The following SPIRE1 variants were observed in gnomAD, a reference collection of about 807,000 sequenced individuals.
SPIRE1 encodes the protein spire type actin nucleation factor 1, also known as protein spire homolog 1.
Under a neutral mutation model 94.1 loss-of-function variants are expected in SPIRE1, and 40 were observed. The ratio of observed to expected loss-of-function variants is 0.43; its 90% CI spans 0.33 to 0.55. The LOEUF (loss-of-function observed/expected upper bound fraction) is 0.55, where lower values mean the gene tolerates loss of function less well. Among genes scored for constraint, SPIRE1 ranks in the 20% least tolerant of loss-of-function variants. The probability of loss-of-function intolerance (pLI) is 0.06; values close to 1 mark genes in which losing one functional copy is unlikely to be tolerated. For synonymous variants in SPIRE1, 376 were observed against 371.7 expected, an observed-to-expected ratio of 1.01 and a Z score of -0.13; for missense variants, 838 against 975.2, an observed-to-expected ratio of 0.86 and a Z score of 1.87.
At chr18:12,658,595 G>C (rs1382427128), upstream of SPIRE1, 2 of 470,886 alleles carry the variant, frequency 4.2e-6, no homozygotes, top group South Asian at 1.5e-5. Context: ...CCGAAGGTCT[G>C]GTTGAAAACT....
In SPIRE1 at chr18:12,463,459, G is replaced by C; in HGVS notation, c.1530C>G (p.Pro510=). Residue 510 remains proline (P), a synonymous_variant, in exon 12 of 17, where the codon CCC becomes CCG. Coordinates refer to ENST00000409402, the MANE Select transcript of SPIRE1 (RefSeq NM_001128626.2). ...GGGGTGGCTGCCGTCTCTCTGGCTG[G>C]GGTGTTGATGATATGGGCAGGAATT... The part of the protein sequence containing the change: ...PPKFLPISST[P]QPERRQPPQR... The C allele has an allele frequency of 6.2e-7, 1 of 1,613,678 alleles. No homozygotes were observed. The highest frequency in any genetic ancestry group is 8.5e-7 in the Non-Finnish European group (1 of 1,179,792).
chr18:12,549,230 C>A (rs775371852), intron 2 of SPIRE1, among the ~76,000 whole-genome samples: 1 of 152,040 alleles, frequency 6.6e-6, no homozygotes, highest in Non-Finnish European at 1.5e-5. Context: ...ACTATCAGAG[C>A]GTCCCTACTA....
intron 1 of SPIRE1, among the ~76,000 whole-genome samples, chr18:12,640,150 C>T (rs2038047065): frequency 6.6e-6 from 1 of 152,074 alleles, no homozygotes; most frequent in African/African-American, 2.4e-5. Flanking sequence ...AAGTAGAAAC[C>T]TCAGCATATG....
chr18:12,648,830 T>C (rs540535994), intron 1 of SPIRE1, among the ~76,000 whole-genome samples: 2 of 132,428 alleles, frequency 1.5e-5, no homozygotes, highest in African/African-American at 5.8e-5. Context: ...GTAGAGGTTA[T>C]GGTGAGCCAA....
chr18:12,591,759 C>T (rs984014195), intron 2 of SPIRE1, among the ~76,000 whole-genome samples: 4 of 151,848 alleles, frequency 2.6e-5, no homozygotes, highest in African/African-American at 9.7e-5. Context: ...GGGCAGATCA[C>T]GAGGTCAGGA....
At chr18:12,582,904 C>G (rs2036295564) in intron 2 of SPIRE1, among the ~76,000 whole-genome samples, 1 of 152,166 alleles carries the variant, frequency 6.6e-6, no homozygotes, top group Non-Finnish European at 1.5e-5. Context: ...AGTCTGGACT[C>G]TACCATCATG....
chr18:12,600,621 TAAGGA>T (rs2036806473), intron 2 of SPIRE1, among the ~76,000 whole-genome samples: 1 of 152,226 alleles, frequency 6.6e-6, no homozygotes, highest in Admixed American at 6.5e-5. Context: ...GTTGGCACTG[TAAGGA>T]AGAACTTTCC....
intron 2 of SPIRE1, among the ~76,000 whole-genome samples, chr18:12,599,430 T>A (rs1381051946): frequency 6.6e-6 from 1 of 152,108 alleles, no homozygotes; most frequent in African/African-American, 2.4e-5. Flanking sequence ...CTGGCTAATT[T>A]AAAAAAATTT....
chr18:12,557,059 C>T (rs934784260), intron 2 of SPIRE1, among the ~76,000 whole-genome samples: 20 of 152,218 alleles, frequency 1.3e-4, no homozygotes, highest in Non-Finnish European at 2.2e-4. Context: ...AGTCCCCACC[C>T]GACTCAGAAG....
chr18:12,480,145 C>T (rs1199189928), intron 9 of SPIRE1, among the ~76,000 whole-genome samples: 1 of 152,148 alleles, frequency 6.6e-6, no homozygotes, highest in Non-Finnish European at 1.5e-5. Context: ...TGTTTATTTT[C>T]CAGATGAAGA....
chr18:12,659,238 C>G (rs757040176), upstream of SPIRE1, among the ~76,000 whole-genome samples: 2 of 150,874 alleles, frequency 1.3e-5, no homozygotes, highest in African/African-American at 4.9e-5. Context: ...ATCACGCTCT[C>G]AACAATTGCA....
intron 2 of SPIRE1, among the ~76,000 whole-genome samples, chr18:12,619,226 A>G (rs2037394378): frequency 6.6e-6 from 1 of 152,162 alleles, no homozygotes; most frequent in African/African-American, 2.4e-5. Context: ...ATAAACAGCA[A>G]GAGGGCCGGG....
chr18:12,635,203 A>C, intron 1 of SPIRE1, 107 bp from the exon 2 acceptor site: 1 of 597,588 alleles, frequency 1.7e-6, no homozygotes, highest in South Asian at 2.1e-5. Context: ...GTCTATGAGA[A>C]TATCTATGCA....
intron 10 of SPIRE1, among the ~76,000 whole-genome samples, chr18:12,475,950 C>G (rs1437011282): frequency 6.6e-6 from 1 of 152,192 alleles, no homozygotes; most frequent in Non-Finnish European, 1.5e-5. Flanking sequence ...TAAGGAAACA[C>G]AGTTTGAGTT....
intron 10 of SPIRE1, among the ~76,000 whole-genome samples, chr18:12,472,259 T>C (rs891387681): frequency 1.4e-4 from 22 of 152,030 alleles, no homozygotes; most frequent in Non-Finnish European, 2.9e-4. Context: ...TCAAGACCCC[T>C]GTCTCTATAA....
At chr18:12,493,321 A>G in intron 7 of SPIRE1, 120 bp from the exon 8 acceptor site, 1 of 921,758 alleles carries the variant, frequency 1.1e-6, no homozygotes, top group Non-Finnish European at 1.6e-6. Flanking sequence ...TTGATAAAAG[A>G]TTACTTTCAA....
chr18:12,583,290 C>A (rs952572083), intron 2 of SPIRE1, among the ~76,000 whole-genome samples: 6 of 151,668 alleles, frequency 4.0e-5, no homozygotes, highest in African/African-American at 1.5e-4. Context: ...TGGGCAACAG[C>A]GGATGATCTC....
At chr18:12,507,488 C>G (rs2033874312) in intron 5 of SPIRE1, among the ~76,000 whole-genome samples, 1 of 152,002 alleles carries the variant, frequency 6.6e-6, no homozygotes. Context: ...CACCTGAGGT[C>G]AGGAGTTCGA....
intron 4 of SPIRE1, among the ~76,000 whole-genome samples, chr18:12,521,372 G>A (rs914038173): frequency 1.0e-4 from 15 of 148,938 alleles, no homozygotes; most frequent in African/African-American, 3.5e-4. Flanking sequence ...TTACTCTGTC[G>A]CCTGGGTGGG....
Sources: allele counts gnomAD v4.1 joint callset (sites outside exome capture counted in the v4.1 genomes callset), GRCh38; gene constraint gnomAD v4.1.1; transcripts MANE v1.5; gene names NCBI Gene and HGNC (gene_info 2026-07-23, HGNC 2026-07-21).